The following FRYL variants were observed in gnomAD, a reference collection of about 807,000 sequenced individuals.
The protein encoded by FRYL is FRY like transcription coactivator.
A neutral mutation model predicts 351.2 loss-of-function variants in FRYL; 150 were observed. The observed-to-expected ratio is 0.43, with a 90% CI of 0.37 to 0.49. FRYL has a LOEUF of 0.49. FRYL is among the 20% of genes least tolerant of loss of function. The pLI is 0.00. For synonymous variants in FRYL, 1,153 were observed against 1,257.1 expected (o/e 0.92, Z 1.75); for missense variants, 3,036 against 3,619.3 (o/e 0.84, Z 4.13).
intron 22 of FRYL, 55 bp from the exon 23 acceptor site, chr4:48,579,296 A>C: frequency 1.4e-6 from 2 of 1,434,770 alleles, no homozygotes; most frequent in Non-Finnish European, 1.9e-6. Context: ...TTGAAATTTT[A>C]CCATATAAAT....
intron 3 of FRYL, among the ~76,000 whole-genome samples, chr4:48,680,214 G>A (rs536319917): frequency 2.0e-5 from 3 of 151,492 alleles, no homozygotes; most frequent in African/African-American, 7.3e-5. Context: ...CTAATAAATA[G>A]CATATTAATT....
rs373873665 is a variant in FRYL at position 48,499,565 on chromosome 4, C to T, written c.8899G>A (p.Gly2967Ser). The change falls in exon 64 of 64, where the codon GGC becomes AGC. Residue 2967 changes from glycine to serine, a missense_variant. Physicochemically the swap from Gly to Ser is moderately conservative, Grantham distance 56. Transcript: ENST00000358350. ...GCTTCTGACATGTCCAGGTTAGAGC[C>T]TATAACTGCAAAGCTTCCTGTCTGG... is the stretch of plus-strand genomic sequence containing the variant. ...LGQTGSFAVI[G>S]SNLDMSEANY... 1.2e-6 allele frequency: 2 copies of T among 1,613,952 alleles called. No individual in the cohort carries two copies. Among genetic ancestry groups the T allele is most frequent in the African/African-American group, 2.7e-5 (2 of 74,882 alleles).
At chr4:48,597,678 T>C (rs1744879506) in intron 13 of FRYL, among the ~76,000 whole-genome samples, 1 of 152,208 alleles carries the variant, frequency 6.6e-6, no homozygotes, top group South Asian at 2.1e-4. Context: ...TATTAAAAAT[T>C]ATACATTAAA....
chr4:48,769,827 G>A (rs1291085147), intron 1 of FRYL, among the ~76,000 whole-genome samples: 2 of 152,160 alleles, frequency 1.3e-5, no homozygotes, highest in African/African-American at 4.8e-5. Context: ...AATCGCAAAA[G>A]GTTACATACA....
chr4:48,539,147 C>A (rs915957443), intron 47 of FRYL, among the ~76,000 whole-genome samples: 7 of 151,898 alleles, frequency 4.6e-5, no homozygotes, highest in African/African-American at 1.7e-4. Context: ...AGATGATTTA[C>A]AAACAGCTAC....
At chr4:48,640,481 G>A (rs2149391463) in intron 3 of FRYL, among the ~76,000 whole-genome samples, 1 of 152,202 alleles carries the variant, frequency 6.6e-6, no homozygotes, top group East Asian at 1.9e-4. Context: ...AATGATCAGT[G>A]ATTACAAGGG....
intron 1 of FRYL, among the ~76,000 whole-genome samples, chr4:48,717,403 T>C (rs1250982074): frequency 6.6e-6 from 1 of 151,614 alleles, no homozygotes; most frequent in Non-Finnish European, 1.5e-5. Flanking sequence ...ACGTAAGTGG[T>C]TGCCTAGGGC....
chr4:48,664,581 A>G (rs1280925176), intron 3 of FRYL, among the ~76,000 whole-genome samples: 1 of 152,200 alleles, frequency 6.6e-6, no homozygotes, highest in Non-Finnish European at 1.5e-5. Context: ...TGGGTCACAT[A>G]AAGAAGAGTC....
intron 16 of FRYL, 149 bp downstream of exon 16, chr4:48,593,781 A>T (rs1744035255): frequency 2.2e-6 from 1 of 449,804 alleles, no homozygotes; most frequent in African/African-American, 2.1e-5. Flanking sequence ...CCATTCGGCC[A>T]GCTATTAGAA....
intron 23 of FRYL, 141 bp downstream of exon 23, chr4:48,578,832 C>T (rs1265044846): frequency 1.1e-5 from 7 of 658,528 alleles, no homozygotes; most frequent in Non-Finnish European, 1.8e-5. Flanking sequence ...CAACATTCTT[C>T]TCCCTCCTTA....
At chr4:48,594,126 T>G in intron 15 of FRYL, 110 bp from the exon 16 acceptor site, 1 of 564,654 alleles carries the variant, frequency 1.8e-6, no homozygotes, top group East Asian at 3.5e-5. Flanking sequence ...CCTTAAAAAG[T>G]TCACAGCTGA....
intron 3 of FRYL, among the ~76,000 whole-genome samples, chr4:48,644,106 C>T (rs2149403152): frequency 6.6e-6 from 1 of 152,152 alleles, no homozygotes; most frequent in Admixed American, 6.5e-5. Flanking sequence ...ACCATGCTGG[C>T]TAATTTTGTA....
At chr4:48,697,362 A>C (rs1049159818) in intron 2 of FRYL, among the ~76,000 whole-genome samples, 8 of 152,240 alleles carry the variant, frequency 5.3e-5, no homozygotes, top group African/African-American at 1.7e-4. Flanking sequence ...AAATGTTTAC[A>C]AACTTTTTTT....
At chr4:48,697,664 A>C (rs985381178) in intron 2 of FRYL, among the ~76,000 whole-genome samples, 23 of 152,142 alleles carry the variant, frequency 1.5e-4, no homozygotes, top group Admixed American at 1.3e-3. Context: ...TTTTTAGTAG[A>C]GATGGGGTTT....
chr4:48,776,234 C>T (rs536204828), intron 1 of FRYL, among the ~76,000 whole-genome samples: 87 of 151,476 alleles, frequency 5.7e-4, no homozygotes, highest in African/African-American at 2.0e-3. Flanking sequence ...GCCATCTTCC[C>T]GCCTCAGCCT....
At chr4:48,516,831 T>C (rs558396318) in intron 55 of FRYL, among the ~76,000 whole-genome samples, 1 of 152,226 alleles carries the variant, frequency 6.6e-6, no homozygotes, top group Non-Finnish European at 1.5e-5. Flanking sequence ...AACATACAAA[T>C]GGGTGCTGGT....
At chr4:48,686,913 C>T (rs1250304456) in intron 2 of FRYL, among the ~76,000 whole-genome samples, 5 of 152,124 alleles carry the variant, frequency 3.3e-5, no homozygotes, top group Non-Finnish European at 5.9e-5. Flanking sequence ...TTCGACTTTT[C>T]GCTTTTGATA....
intron 4 of FRYL, among the ~76,000 whole-genome samples, chr4:48,631,489 C>A (rs1752948682): frequency 6.6e-6 from 1 of 151,880 alleles, no homozygotes; most frequent in African/African-American, 2.4e-5. Flanking sequence ...CACACCACAG[C>A]AATACTTCTT....
At position 48,608,995 on chromosome 4, in the gene FRYL, G is replaced by C. The variant is rs781050915; in HGVS notation, c.564C>G (p.Ala188=). The C allele has an allele frequency of 3.1e-6, 5 of 1,604,782 alleles. No homozygotes were observed. The highest frequency in any genetic ancestry group is 4.3e-6 in the Non-Finnish European group (5 of 1,172,274). ...DLYAEVIGVL[A]QSKFQAVRKK... is the part of the protein sequence containing the mutation. Reference sequence around the variant, plus strand: ...TGATTTACAAAACTTACTTTGATTGGGCAAGAACCCCTATCACCTCTGCAT... The same window carrying C: ...TGATTTACAAAACTTACTTTGATTGCGCAAGAACCCCTATCACCTCTGCAT... The change falls in exon 9 of 64, where the codon GCC becomes GCG. Residue 188 remains alanine (A), a synonymous_variant. Coordinates refer to ENST00000358350, the MANE Select transcript of FRYL (RefSeq NM_015030.2).
Sources: allele counts gnomAD v4.1 joint callset (sites outside exome capture counted in the v4.1 genomes callset), GRCh38; gene constraint gnomAD v4.1.1; transcripts MANE v1.5; gene names NCBI Gene and HGNC (gene_info 2026-07-23, HGNC 2026-07-21).